AAK1: variants seen among roughly 807,000 people sequenced by gnomAD.
The protein encoded by AAK1 is AP2 associated kinase 1, also known as AP2-associated protein kinase 1.
Under a neutral mutation model 116.0 loss-of-function variants are expected in AAK1, and 37 were observed. The ratio of observed to expected loss-of-function variants is 0.32; its 90% CI spans 0.25 to 0.42. The LOEUF (loss-of-function observed/expected upper bound fraction) is 0.42, where lower values mean the gene tolerates loss of function less well. Among genes scored for constraint, AAK1 ranks in the 10% least tolerant of loss-of-function variants. The pLI, the probability that AAK1 is intolerant of heterozygous loss-of-function variation, is 1.00. For synonymous variants in AAK1, 458 were observed against 439.9 expected (o/e 1.04, Z -0.51); for missense variants, 919 against 1,170.6 (o/e 0.79, Z 3.14).
At chr2:69,496,733 T>A (rs1168298209) in intron 16 of AAK1, among the ~76,000 whole-genome samples, 2 of 152,182 alleles carry the variant, frequency 1.3e-5, no homozygotes, top group Non-Finnish European at 2.9e-5. Context: ...TAAACAGATA[T>A]AACACTATCT....
chr2:69,623,622 T>C (rs1325826911), intron 2 of AAK1, among the ~76,000 whole-genome samples: 1 of 152,160 alleles, frequency 6.6e-6, no homozygotes, highest in Non-Finnish European at 1.5e-5. Flanking sequence ...GAGACCAGCA[T>C]GGGCAATATA....
At position 69,551,624 on chromosome 2, in the gene AAK1, G is replaced by A. The variant is rs545695519; in HGVS notation, c.282+5236C>T. On this transcript the variant is annotated intron_variant, in intron 3 of 21. Transcript: ENST00000409085. ...GTAATCCATCTGGGCCAGGGGATGTGAACACAGAATAGCCTTGACACATCT... is the reference window on the plus strand; with the variant it reads ...GTAATCCATCTGGGCCAGGGGATGTAAACACAGAATAGCCTTGACACATCT... 2.9e-4 allele frequency among the ~76,000 whole-genome samples: 44 copies of A among 152,314 alleles called. No homozygotes were observed. The South Asian group carries it at 9.1e-3, about 32-fold the overall frequency.
At chr2:69,620,124 C>G (rs1674529550) in intron 2 of AAK1, among the ~76,000 whole-genome samples, 1 of 152,178 alleles carries the variant, frequency 6.6e-6, no homozygotes, top group African/African-American at 2.4e-5. Context: ...CAATGACAGG[C>G]TGGCCCAGAG....
Position 69,540,121 on chromosome 2 carries a change from C to CTTTTTTT in AAK1, c.534+2395_534+2401dup, listed in dbSNP as rs538276702. On this transcript the variant is annotated intron_variant, in intron 5 of 21. Coordinates refer to ENST00000409085, the MANE Select transcript of AAK1 (RefSeq NM_014911.5). ...AACATGCATTCCCTGCCCCACTTGC[C>CTTTTTTT]TTTTTTTTTTTTTTTTTTGAGACAG... 5.5e-5 allele frequency among the ~76,000 whole-genome samples: 7 copies of CTTTTTTT among 127,818 alleles called. 2 individuals are homozygous for CTTTTTTT. Among genetic ancestry groups the CTTTTTTT allele is most frequent in the African/African-American group, 1.2e-4 (4 of 32,312 alleles). The allele number at this position is 127,818 out of a possible 152,430, so 83.9% of individuals were successfully genotyped here. A position where few individuals can be genotyped will look rare whatever the true frequency, so the allele number is the denominator to read the frequency against.
At chr2:69,583,521 AG>A (rs1425048082) in intron 2 of AAK1, among the ~76,000 whole-genome samples, 1 of 152,154 alleles carries the variant, frequency 6.6e-6, no homozygotes, top group Non-Finnish European at 1.5e-5. Flanking sequence ...AAGAGTGTTC[AG>A]GAAGTTTAAT....
At chr2:69,635,381 T>C (rs1335487892) in intron 2 of AAK1, among the ~76,000 whole-genome samples, 1 of 152,184 alleles carries the variant, frequency 6.6e-6, no homozygotes, top group African/African-American at 2.4e-5. Context: ...TGGAAAACAA[T>C]GTGGCAATTC....
chr2:69,636,597 T>C (rs1675456716), intron 2 of AAK1, among the ~76,000 whole-genome samples: 1 of 152,250 alleles, frequency 6.6e-6, no homozygotes, highest in Non-Finnish European at 1.5e-5. Flanking sequence ...ACATCTCACC[T>C]GTGCTGTCCA....
intron 2 of AAK1, among the ~76,000 whole-genome samples, chr2:69,563,910 T>A (rs1671753128): frequency 6.6e-6 from 1 of 152,050 alleles, no homozygotes; most frequent in African/African-American, 2.4e-5. Flanking sequence ...AAGACTAAAT[T>A]AGGCCAGGCG....
intron 16 of AAK1, among the ~76,000 whole-genome samples, chr2:69,497,675 T>C (rs2104938882): frequency 6.6e-6 from 1 of 152,190 alleles, no homozygotes; most frequent in African/African-American, 2.4e-5. Flanking sequence ...GTTTGTCAGC[T>C]GTCTTTCTAG....
chr2:69,491,716 A>T (rs967749425), intron 17 of AAK1, among the ~76,000 whole-genome samples: 1 of 152,194 alleles, frequency 6.6e-6, no homozygotes, highest in African/African-American at 2.4e-5. Context: ...TCTTTATAGT[A>T]ATTTAAAATT....
intron 2 of AAK1, among the ~76,000 whole-genome samples, chr2:69,613,133 C>T (rs909599982): frequency 6.6e-6 from 1 of 152,138 alleles, no homozygotes; most frequent in African/African-American, 2.4e-5. Flanking sequence ...CATCTGAAGG[C>T]ACAGGCTTTG....
rs944672338 is a variant in AAK1 at position 69,468,545 on chromosome 2, G to GA, written c.*7323dup. ...GCAGGAGAGCAAAATATCTCTTAGG[G>GA]AAAAAAAATGGAAAACTTAGTCAAG... is the stretch of plus-strand genomic sequence containing the variant. On this transcript the variant is annotated 3_prime_UTR_variant, in exon 22 of 22. Coordinates refer to ENST00000409085, the MANE Select transcript of AAK1 (RefSeq NM_014911.5). 1.9e-5 allele frequency: 19 copies of GA among 984,886 alleles called. No homozygotes were observed. Among genetic ancestry groups the GA allele is most frequent in the African/African-American group, 7.0e-5 (4 of 57,108 alleles). The allele number at this position is 984,886 out of a possible 1,614,324, so 61.0% of individuals were successfully genotyped here. A position where few individuals can be genotyped will look rare whatever the true frequency, so the allele number is the denominator to read the frequency against.
At position 69,556,996 on chromosome 2, in the gene AAK1, A is replaced by G; in HGVS notation, c.164-18T>C. On this transcript the variant is annotated intron_variant, in intron 2 of 21. Coordinates refer to ENST00000409085, the MANE Select transcript of AAK1 (RefSeq NM_014911.5). ...AAATCCACCTGTGAGAGAAACACAC[A>G]CAAGCTCTTTTGAGTCAATGTTCAA... 1 of 1,584,508 alleles carries G rather than the reference A, an allele frequency of 6.3e-7. No homozygotes were observed.
chr2:69,486,565 G>A (rs1026673795), intron 17 of AAK1, among the ~76,000 whole-genome samples: 11 of 152,268 alleles, frequency 7.2e-5, no homozygotes, highest in South Asian at 4.1e-4. Flanking sequence ...ACAGCTGTGC[G>A]AAAAGCTACT....
At position 69,475,215 on chromosome 2, in the gene AAK1, ATGGGGTGTAAAATCCCT is replaced by A; in HGVS notation, c.*637_*653del. 1 of 985,842 alleles carries A rather than the reference ATGGGGTGTAAAATCCCT, an allele frequency of 1.0e-6. No individual in the cohort carries two copies. Among genetic ancestry groups the A allele is most frequent in the East Asian group, 1.1e-4 (1 of 8,820 alleles). The allele number at this position is 985,842 out of a possible 1,614,324, so 61.1% of individuals were successfully genotyped here. On this transcript the variant is annotated 3_prime_UTR_variant, in exon 22 of 22. Coordinates refer to ENST00000409085, the MANE Select transcript of AAK1 (RefSeq NM_014911.5). ...GCTGGACGAATGCTGGGCAGGTTGC[ATGGGGTGTAAAATCCCT>A]TGGCTAAGTCTATGATCAAACAAGG... is the stretch of plus-strand genomic sequence containing the variant.
Position 69,509,272 on chromosome 2 carries a change from C to T in AAK1, c.1965G>A (p.Leu655=). The change falls in exon 14 of 22, where the codon CTG becomes CTA. Residue 655 remains leucine (L), a synonymous_variant. Transcript: ENST00000409085. The part of the protein sequence containing the change: ...FGVPASKSTQ[L]LQAAAAEASL... Reference sequence around the variant, plus strand: ...TGGCCTCAGCTGCAGCTGCCTGGAGCAGCTGGGTTGATTTGCTGGCAGGGA... The same window carrying T: ...TGGCCTCAGCTGCAGCTGCCTGGAGTAGCTGGGTTGATTTGCTGGCAGGGA... 6.2e-7 allele frequency: 1 copy of T among 1,614,012 alleles called. No individual in the cohort carries two copies. Among genetic ancestry groups the T allele is most frequent in the Non-Finnish European group, 8.5e-7 (1 of 1,179,894 alleles).
In AAK1 at chr2:69,517,963, C is replaced by T. The variant is rs151030393; in HGVS notation, c.1497+991G>A. On this transcript the variant is annotated intron_variant, in intron 12 of 21. Coordinates refer to ENST00000409085, the MANE Select transcript of AAK1 (RefSeq NM_014911.5). ...CAAAATAACGAGACCCCCATTTCTACCAATAAAAATTAGCCAGGCATGGTG... is the reference window on the plus strand; with the variant it reads ...CAAAATAACGAGACCCCCATTTCTATCAATAAAAATTAGCCAGGCATGGTG... Among the ~76,000 whole-genome samples, 73 of 152,022 alleles carry T rather than the reference C, an allele frequency of 4.8e-4. 2 individuals carry two copies. The East Asian group carries it at 0.013, about 27-fold the overall frequency.
intron 6 of AAK1, chr2:69,531,816 T>TA: frequency 8.0e-7 from 1 of 1,252,582 alleles, no homozygotes; most frequent in African/African-American, 1.5e-5. Flanking sequence ...GGACCACTGA[T>TA]AAAGTGCTCT....
intron 2 of AAK1, among the ~76,000 whole-genome samples, chr2:69,601,363 GT>G (rs1230926652): frequency 6.6e-6 from 1 of 152,254 alleles, no homozygotes; most frequent in African/African-American, 2.4e-5. Flanking sequence ...GATAAGATAA[GT>G]CTGTAGCCAG....
Sources: allele counts gnomAD v4.1 joint callset (sites outside exome capture counted in the v4.1 genomes callset), GRCh38; gene constraint gnomAD v4.1.1; transcripts MANE v1.5; gene names NCBI Gene and HGNC (gene_info 2026-07-23, HGNC 2026-07-21).